Variants in IBTK observed in about 807,000 individuals in gnomAD.
The protein encoded by IBTK is BTK-binding protein.
IBTK carries 83 observed loss-of-function variants against 154.9 expected under a neutral mutation model. That is an observed-to-expected ratio of 0.54 (90% CI 0.45 to 0.64). The LOEUF is 0.64. Ranked by LOEUF, IBTK falls within the 30% of genes least tolerant of loss-of-function variation. The pLI is 0.00. For missense variants in IBTK, 1,332 were observed against 1,584.6 expected, an observed-to-expected ratio of 0.84 and a Z score of 2.71; for synonymous variants, 515 against 536.1, an observed-to-expected ratio of 0.96 and a Z score of 0.54.
Position 82,200,843 on chromosome 6 carries a change from C to T in IBTK, c.2791-135G>A, listed in dbSNP as rs1304689206. The T allele has an allele frequency of 1.7e-5, 16 of 961,958 alleles. No homozygotes were observed. In the East Asian group the frequency reaches 4.8e-4, roughly 29 times the overall value. The allele number at this position is 961,958 out of a possible 1,614,324, so 59.6% of individuals were successfully genotyped here. Reference sequence around the variant, plus strand: ...TTGGAACACCTGGCCCCAAGCAAACCTCCCATCTTGGCCTCCCAAAATGCT... The same window carrying T: ...TTGGAACACCTGGCCCCAAGCAAACTTCCCATCTTGGCCTCCCAAAATGCT... On this transcript the variant is annotated intron_variant, in intron 19 of 28. Coordinates refer to ENST00000306270, the MANE Select transcript of IBTK (RefSeq NM_015525.4).
Position 82,210,772 on chromosome 6 carries a change from T to C in IBTK, c.2509+42A>G, listed in dbSNP as rs776851464. On this transcript the variant is annotated intron_variant, in intron 16 of 28. Transcript: ENST00000306270. The stretch of plus-strand genomic sequence containing the variant: ...TCACGTTGATTTTACCATTATTCCA[T>C]TATATGTGAAGTATCTACAATGTCC... The C allele has an allele frequency of 7.5e-6, 6 of 797,624 alleles. 1 individual carries two copies. In the South Asian group the frequency reaches 8.1e-5, roughly 11 times the overall value. 49.4% of individuals were successfully genotyped at this position (797,624 alleles called of 1,614,324 possible).
chr6:82,190,288 A>T (rs917671661), intron 25 of IBTK, among the ~76,000 whole-genome samples: 2 of 152,200 alleles, frequency 1.3e-5, no homozygotes, highest in Non-Finnish European at 2.9e-5. Flanking sequence ...ATGTGGCCTT[A>T]GAAACATTGA....
Position 82,171,296 on chromosome 6 carries a change from T to C in IBTK, c.*129A>G, listed in dbSNP as rs1027269744. On this transcript the variant is annotated 3_prime_UTR_variant, in exon 29 of 29. Coordinates refer to ENST00000306270, the MANE Select transcript of IBTK (RefSeq NM_015525.4). ...CAAACATTATATGATTTAACTGCAG[T>C]AAAGAAATTATATCTTTTCTTAATC... The C allele has an allele frequency of 6.2e-6, 4 of 644,996 alleles. No individual in the cohort carries two copies. The highest frequency in any genetic ancestry group is 9.5e-4 in the Middle Eastern group (2 of 2,114). The allele number at this position is 644,996 out of a possible 1,614,324, so 40.0% of individuals were successfully genotyped here.
intron 26 of IBTK, 97 bp downstream of exon 26, chr6:82,181,782 T>A (rs1768326450): frequency 1.2e-6 from 1 of 809,440 alleles, no homozygotes; most frequent in African/African-American, 1.8e-5. Context: ...GTACAAAAAA[T>A]CTGCCTCATA....
intron 15 of IBTK, 92 bp from the exon 16 acceptor site, chr6:82,211,002 G>C (rs1769614775): frequency 1.7e-6 from 1 of 592,924 alleles, no homozygotes; most frequent in African/African-American, 2.0e-5. Flanking sequence ...AAAACACTCT[G>C]AACAGGAAAT....
chr6:82,175,929 G>A (rs577053040), intron 26 of IBTK, among the ~76,000 whole-genome samples: 3 of 151,860 alleles, frequency 2.0e-5, no homozygotes, highest in Admixed American at 6.6e-5. Context: ...CTAGGGTGGC[G>A]GAGGCAGGAG....
chr6:82,222,982 A>G (rs1237059984), intron 8 of IBTK, among the ~76,000 whole-genome samples: 3 of 152,014 alleles, frequency 2.0e-5, no homozygotes, highest in African/African-American at 7.2e-5. Context: ...GCATTCTATA[A>G]TAACATGTTT....
chr6:82,187,545 T>C (rs1768598278), intron 25 of IBTK, among the ~76,000 whole-genome samples: 1 of 152,256 alleles, frequency 6.6e-6, no homozygotes, highest in Non-Finnish European at 1.5e-5. Context: ...AATGGCAGTC[T>C]AAAAACAGCA....
At chr6:82,238,805 C>G (rs149736375) in intron 2 of IBTK, among the ~76,000 whole-genome samples, 199 of 152,110 alleles carry the variant, frequency 1.3e-3, no homozygotes, top group Admixed American at 2.6e-3. Flanking sequence ...GTGACACGAT[C>G]TTGGCAAACT....
chr6:82,229,915 G>A (rs1770444687), intron 4 of IBTK, among the ~76,000 whole-genome samples: 1 of 151,994 alleles, frequency 6.6e-6, no homozygotes, highest in African/African-American at 2.4e-5. Context: ...GGATTCTATT[G>A]CTTTTTTTGT....
intron 2 of IBTK, among the ~76,000 whole-genome samples, chr6:82,239,184 G>A (rs1246910696): frequency 6.6e-6 from 1 of 151,980 alleles, no homozygotes; most frequent in African/African-American, 2.4e-5. Context: ...GCTCATGCCT[G>A]TAATCCCAGC....
At chr6:82,235,083 A>C (rs1416616582) in intron 2 of IBTK, among the ~76,000 whole-genome samples, 1 of 150,484 alleles carries the variant, frequency 6.6e-6, no homozygotes, top group Non-Finnish European at 1.5e-5. Flanking sequence ...CTGGCCTCGG[A>C]CTCCTGACCT....
intron 8 of IBTK, among the ~76,000 whole-genome samples, chr6:82,221,890 T>C (rs916576427): frequency 1.3e-5 from 2 of 152,134 alleles, no homozygotes; most frequent in Non-Finnish European, 2.9e-5. Context: ...TTCTGCCAGG[T>C]GCAGTGGCTC....
In IBTK at chr6:82,196,470, T is replaced by A. The variant is rs747554888; in HGVS notation, c.3026-24A>T. ...TCCTAAAACATGAAATTAAAAAAAA[T>A]TAAACACATATGCATTAAACATATA... On this transcript the variant is annotated intron_variant, in intron 21 of 28. Coordinates refer to ENST00000306270, the MANE Select transcript of IBTK (RefSeq NM_015525.4). The A allele has an allele frequency of 3.9e-6, 6 of 1,538,950 alleles. No individual in the cohort carries two copies. The South Asian group carries it at 4.8e-5, about 12-fold the overall frequency.
In IBTK at chr6:82,171,002, T is replaced by C. The variant is rs1767909024; in HGVS notation, c.*423A>G. 1 of 153,270 alleles carries C rather than the reference T, an allele frequency of 6.5e-6. No individual in the cohort carries two copies. Among genetic ancestry groups the C allele is most frequent in the Non-Finnish European group, 1.5e-5 (1 of 68,840 alleles). The allele number at this position is 153,270 out of a possible 1,614,324, so 9.5% of individuals were successfully genotyped here. On this transcript the variant is annotated 3_prime_UTR_variant, in exon 29 of 29. Coordinates refer to ENST00000306270, the MANE Select transcript of IBTK (RefSeq NM_015525.4). ...TTAATGAATCAGAAGTAATAACTGA[T>C]GCTCCTACTTTAAATTCATCAATGC...
Position 82,195,188 on chromosome 6 carries a change from A to G in IBTK, c.3175-546T>C, listed in dbSNP as rs576290869. Among the ~76,000 whole-genome samples, 177 of 152,256 alleles carry G rather than the reference A, an allele frequency of 1.2e-3. 2 individuals are homozygous for G. Among genetic ancestry groups the G allele is most frequent in the African/African-American group, 3.8e-3 (156 of 41,552 alleles). On this transcript the variant is annotated intron_variant, in intron 22 of 28. Transcript: ENST00000306270. ...TCTGTTATTGTAAATCACTCACAAT[A>G]TACCCTGAGCCTTCCTTTAAACCTC...
chr6:82,237,510 T>C (rs1360253896), intron 2 of IBTK, among the ~76,000 whole-genome samples: 1 of 151,796 alleles, frequency 6.6e-6, no homozygotes, highest in Admixed American at 6.6e-5. Flanking sequence ...AAGTTCAAGA[T>C]TTAATAATTT....
Position 82,210,241 on chromosome 6 carries a change from T to C in IBTK, c.2509+573A>G, listed in dbSNP as rs534364742. On this transcript the variant is annotated intron_variant, in intron 16 of 28. Transcript: ENST00000306270. ...CTTATGTAAGTATTTGTCAAAACTA[T>C]CCCTGTTGTCAATTCATTCATCTCC... 4.6e-5 allele frequency: 7 copies of C among 152,028 alleles called. No homozygotes were observed. The East Asian group carries it at 1.4e-3, about 29-fold the overall frequency. 9.4% of individuals were successfully genotyped at this position (152,028 alleles called of 1,614,324 possible).
chr6:82,172,684 T>C, intron 27 of IBTK, 172 bp from the exon 28 acceptor site: 1 of 570,414 alleles, frequency 1.8e-6, no homozygotes, highest in East Asian at 3.1e-5. Flanking sequence ...TCTTCCTAAA[T>C]TTTTGCATGC....
Sources: allele counts gnomAD v4.1 joint callset (sites outside exome capture counted in the v4.1 genomes callset), GRCh38; gene constraint gnomAD v4.1.1; transcripts MANE v1.5; gene names NCBI Gene and HGNC (gene_info 2026-07-23, HGNC 2026-07-21).